Variants in TENM2 observed in about 807,000 individuals in gnomAD.
The protein encoded by TENM2 is teneurin transmembrane protein 2.
TENM2 carries 52 observed loss-of-function variants against 245.2 expected under a neutral mutation model. The ratio of observed to expected loss-of-function variants is 0.21; its 90% CI spans 0.17 to 0.27. The LOEUF (loss-of-function observed/expected upper bound fraction) is 0.27. Ranked by LOEUF, TENM2 falls within the 10% of genes least tolerant of loss-of-function variation. The pLI is 1.00. For missense variants in TENM2, 3,046 were observed against 3,666.8 expected, an observed-to-expected ratio of 0.83 and a Z score of 4.37; for synonymous variants, 1,363 against 1,438.9, an observed-to-expected ratio of 0.95 and a Z score of 1.19.
the TENM2 span, among the ~76,000 whole-genome samples, chr5:167,074,991 C>T: frequency 1.3e-5 from 2 of 152,106 alleles, no homozygotes; most frequent in Non-Finnish European, 2.9e-5. Context: ...CCTGGTGCCA[C>T]TTGCTGTCGT....
the TENM2 span, among the ~76,000 whole-genome samples, chr5:167,102,332 G>A: frequency 6.6e-6 from 1 of 152,114 alleles, no homozygotes; most frequent in Admixed American, 6.5e-5. Flanking sequence ...TAATACGTCT[G>A]ATAATAATAA....
At chr5:167,400,558 G>A (rs996488532) in intron 2 of TENM2, among the ~76,000 whole-genome samples, 1 of 151,630 alleles carries the variant, frequency 6.6e-6, no homozygotes, top group African/African-American at 2.4e-5. Flanking sequence ...TAATCAGAAC[G>A]TGAATCTGGA....
chr5:167,884,498 C>T (rs763553333), intron 3 of TENM2, among the ~76,000 whole-genome samples: 7 of 152,180 alleles, frequency 4.6e-5, no homozygotes, highest in Non-Finnish European at 7.4e-5. Flanking sequence ...TCACACAGTA[C>T]TTGTCCTTTT....
intron 2 of TENM2, among the ~76,000 whole-genome samples, chr5:167,512,126 T>C (rs1425618071): frequency 6.6e-6 from 1 of 152,194 alleles, no homozygotes; most frequent in Admixed American, 6.5e-5. Flanking sequence ...GATTTGACTA[T>C]TAAAAAACTC....
At chr5:167,432,358 C>T (rs548151144) in intron 2 of TENM2, among the ~76,000 whole-genome samples, 1 of 151,816 alleles carries the variant, frequency 6.6e-6, no homozygotes, top group East Asian at 1.9e-4. Context: ...CTTCTCCATA[C>T]CGGAAAAATA....
chr5:167,985,539 G>A (rs1310643307), intron 4 of TENM2, among the ~76,000 whole-genome samples: 2 of 152,232 alleles, frequency 1.3e-5, no homozygotes, highest in Non-Finnish European at 2.9e-5. Flanking sequence ...TTAGTCATTA[G>A]TTGTCCTGGT....
chr5:167,109,696 T>C, the TENM2 span, among the ~76,000 whole-genome samples: 20 of 151,926 alleles, frequency 1.3e-4, no homozygotes, highest in Non-Finnish European at 2.4e-4. Context: ...ATAAACCCTT[T>C]AATACAACTC....
chr5:167,048,275 T>A, the TENM2 span, among the ~76,000 whole-genome samples: 1 of 152,326 alleles, frequency 6.6e-6, no homozygotes, highest in Non-Finnish European at 1.5e-5. Context: ...AAAAAAATTC[T>A]TTATTATTCT....
At chr5:167,431,930 T>TATATATATAC (rs1184637097) in intron 2 of TENM2, among the ~76,000 whole-genome samples, 1 of 78,892 alleles carries the variant, frequency 1.3e-5, no homozygotes, top group Non-Finnish European at 2.7e-5. Context: ...TATATATACA[T>TATATATATAC]ATATATATAC....
At chr5:167,079,462 C>T in the TENM2 span, among the ~76,000 whole-genome samples, 14 of 150,910 alleles carry the variant, frequency 9.3e-5, no homozygotes, top group African/African-American at 2.2e-4. Context: ...TGTGGGCATG[C>T]GCCACCATGC....
intron 3 of TENM2, among the ~76,000 whole-genome samples, chr5:167,907,862 A>T (rs1776233185): frequency 6.6e-6 from 1 of 152,110 alleles, no homozygotes; most frequent in East Asian, 1.9e-4. Flanking sequence ...CATGCAGCCA[A>T]TTTGTTAAAA....
At chr5:167,935,135 G>A (rs866966942) in intron 3 of TENM2, among the ~76,000 whole-genome samples, 1 of 152,174 alleles carries the variant, frequency 6.6e-6, no homozygotes, top group Non-Finnish European at 1.5e-5. Flanking sequence ...AACCGAGAGA[G>A]AAACAGAGGC....
At chr5:167,084,364 T>TATATATAC in the TENM2 span, among the ~76,000 whole-genome samples, 10 of 111,142 alleles carry the variant, frequency 9.0e-5, 1 homozygote, top group South Asian at 1.3e-3. Flanking sequence ...TATATATATA[T>TATATATAC]ATACAGATCA....
intron 13 of TENM2, among the ~76,000 whole-genome samples, chr5:168,188,496 C>T (rs1760672218): frequency 1.3e-5 from 2 of 152,244 alleles, no homozygotes; most frequent in Admixed American, 1.3e-4. Flanking sequence ...CCATCTTCAG[C>T]CCTCACAGAC....
the TENM2 span, among the ~76,000 whole-genome samples, chr5:167,226,564 T>G: frequency 3.9e-5 from 6 of 152,142 alleles, no homozygotes; most frequent in Non-Finnish European, 5.9e-5. Context: ...TGTGGGAGAT[T>G]TAAAAAAATT....
intron 2 of TENM2, among the ~76,000 whole-genome samples, chr5:167,867,809 CTT>C (rs1385404438): frequency 6.6e-6 from 1 of 152,188 alleles, no homozygotes; most frequent in African/African-American, 2.4e-5. Context: ...CCAACCCTCT[CTT>C]GTCAAACAGA....
the TENM2 span, among the ~76,000 whole-genome samples, chr5:167,238,009 CAAAAAAAAAAAAAAAA>C: frequency 4.5e-5 from 2 of 44,114 alleles, no homozygotes; most frequent in African/African-American, 8.6e-5. Flanking sequence ...GACTCTGTCT[CAAAAAAAAAAAAAAAA>C]AAAAAAAAGA....
At chr5:168,219,585 A>C (rs1006742199) in intron 23 of TENM2, among the ~76,000 whole-genome samples, 9 of 152,080 alleles carry the variant, frequency 5.9e-5, no homozygotes, top group African/African-American at 2.2e-4. Context: ...TCCTGCAGGC[A>C]GTTCTTGGTC....
the TENM2 span, among the ~76,000 whole-genome samples, chr5:167,244,488 G>A: frequency 3.9e-5 from 6 of 152,274 alleles, no homozygotes; most frequent in Non-Finnish European, 7.3e-5. Flanking sequence ...AAATGGCTGC[G>A]TTTTCCGATG....
Sources: gnomAD v4.1 joint callset for allele counts (sites outside exome capture counted in the v4.1 genomes callset) on GRCh38, gnomAD v4.1.1 for gene constraint, MANE v1.5 for transcripts, NCBI Gene and HGNC (gene_info 2026-07-23, HGNC 2026-07-21) for gene names.